Variants in ERC2 observed in about 807,000 individuals in gnomAD.
ERC2 encodes ERC protein 2.
A neutral mutation model predicts 114.8 loss-of-function variants in ERC2; 42 were observed. The observed-to-expected ratio is 0.37, with a 90% confidence interval of 0.29 to 0.47. The LOEUF (loss-of-function observed/expected upper bound fraction) is 0.47. Ranked by LOEUF, ERC2 falls within the 20% of genes least tolerant of loss-of-function variation. The probability of loss-of-function intolerance (pLI) is 0.99; values close to 1 mark genes in which losing one functional copy is unlikely to be tolerated. For missense variants in ERC2, 939 were observed against 1,150.7 expected, an observed-to-expected ratio of 0.82 and a Z score of 2.66; for synonymous variants, 454 against 425.5, an observed-to-expected ratio of 1.07 and a Z score of -0.82.
In ERC2 at chr3:55,858,372, A is replaced by G. The variant is rs199949127; in HGVS notation, c.2564+30017T>C. Among the ~76,000 whole-genome samples the G allele has an allele frequency of 7.2e-5, 11 of 152,344 alleles. No homozygotes were observed. The East Asian group carries it at 2.1e-3, about 29-fold the overall frequency. ...TGCTGGCAGGAGAAATGGATATATT[A>G]ACTCTAAAATAAAAGCTCTTATTCA... On this transcript the variant is annotated intron_variant, in intron 14 of 17. Coordinates refer to ENST00000288221, the MANE Select transcript of ERC2 (RefSeq NM_015576.3).
chr3:55,968,148 A>G (rs2068892959), intron 12 of ERC2, among the ~76,000 whole-genome samples: 2 of 151,922 alleles, frequency 1.3e-5, no homozygotes, highest in African/African-American at 4.8e-5. Context: ...TTTTTTTAAC[A>G]TTATATTTTA....
intron 3 of ERC2, among the ~76,000 whole-genome samples, chr3:56,262,671 C>T (rs1015779098): frequency 3.3e-5 from 5 of 152,190 alleles, no homozygotes; most frequent in Admixed American, 1.3e-4. Flanking sequence ...TTGTCACCTA[C>T]ATTTTGTTAA....
rs376524314 is a variant in ERC2, at chr3:55,796,035, GAC to G, written c.2565-61119_2565-61118del. ...ATATTTTGAGAAGGGCTCCAAGTGAGACAGAATTCTTTGGTGAGCAACAGTGA... is the reference window on the plus strand; with the variant it reads ...ATATTTTGAGAAGGGCTCCAAGTGAGAGAATTCTTTGGTGAGCAACAGTGA... On this transcript the variant is annotated intron_variant, in intron 14 of 17. Transcript: ENST00000288221. 5.0e-3 allele frequency among the ~76,000 whole-genome samples: 756 copies of G among 152,362 alleles called. 6 individuals carry two copies. The highest frequency in any genetic ancestry group is 0.017 in the African/African-American group (711 of 41,580).
chr3:56,355,397 C>T (rs2058710600), intron 2 of ERC2, among the ~76,000 whole-genome samples: 1 of 151,452 alleles, frequency 6.6e-6, no homozygotes, highest in Non-Finnish European at 1.5e-5. Context: ...CAGCTCACTG[C>T]AACCTCGACC....
At chr3:56,317,359 C>T (rs2150411702) in intron 2 of ERC2, among the ~76,000 whole-genome samples, 1 of 152,076 alleles carries the variant, frequency 6.6e-6, no homozygotes, top group East Asian at 1.9e-4. Context: ...AAACATGAAC[C>T]CCAAGAGTAG....
intron 3 of ERC2, among the ~76,000 whole-genome samples, chr3:56,293,516 C>T (rs1478028796): frequency 1.3e-5 from 2 of 152,202 alleles, no homozygotes; most frequent in Non-Finnish European, 2.9e-5. Context: ...TAACAAATGG[C>T]TCTCACAGGG....
intron 2 of ERC2, among the ~76,000 whole-genome samples, chr3:56,338,447 G>A (rs527340928): frequency 6.6e-6 from 1 of 152,278 alleles, no homozygotes; most frequent in East Asian, 1.9e-4. Context: ...ATCCTGGTGG[G>A]GGATGAGAGA....
chr3:55,570,865 C>T (rs114454048), intron 17 of ERC2, among the ~76,000 whole-genome samples: 2,073 of 152,202 alleles, frequency 0.014, 21 homozygotes, highest in Non-Finnish European at 0.023. Flanking sequence ...CAGTGGCTCA[C>T]GCCTGTAATC....
rs10662566 is a variant in ERC2 at position 55,994,647 on chromosome 3, T to TAAAAAAAAAAAAAAAAAAAAAAAAAAAA, written c.2062-2398_2062-2397insTTTTTTTTTTTTTTTTTTTTTTTTTTTT. On this transcript the variant is annotated intron_variant, in intron 10 of 17. Coordinates refer to ENST00000288221, the MANE Select transcript of ERC2 (RefSeq NM_015576.3). ...CATTGACAAGATACTACATACTCCCTAAAAAAAAAAAAAAAAAAAAAAAAA... is the reference window on the plus strand; with the variant it reads ...CATTGACAAGATACTACATACTCCCTAAAAAAAAAAAAAAAAAAAAAAAAAAAAAAAAAAAAAAAAAAAAAAAAAAAAA... 3.3e-5 allele frequency among the ~76,000 whole-genome samples: 2 copies of TAAAAAAAAAAAAAAAAAAAAAAAAAAAA among 61,396 alleles called. 1 individual carries two copies. The highest frequency in any genetic ancestry group is 5.4e-5 in the Non-Finnish European group (2 of 36,928). The allele number at this position is 61,396 out of a possible 152,430, so 40.3% of individuals were successfully genotyped here. A position where few individuals can be genotyped will look rare whatever the true frequency, so the allele number is the denominator to read the frequency against.
intron 14 of ERC2, among the ~76,000 whole-genome samples, chr3:55,782,105 T>A (rs1235397503): frequency 6.6e-6 from 1 of 152,112 alleles, no homozygotes; most frequent in Non-Finnish European, 1.5e-5. Context: ...TCCCACTGTG[T>A]GCTCTGAGAC....
intron 2 of ERC2, among the ~76,000 whole-genome samples, chr3:56,407,196 C>T (rs1045215881): frequency 6.6e-6 from 1 of 152,272 alleles, no homozygotes; most frequent in Non-Finnish European, 1.5e-5. Flanking sequence ...TATTAGTATT[C>T]CTATTGTGAA....
At chr3:56,166,170 C>G (rs2082316305) in intron 4 of ERC2, among the ~76,000 whole-genome samples, 1 of 151,954 alleles carries the variant, frequency 6.6e-6, no homozygotes, top group South Asian at 2.1e-4. Context: ...CCTTTATCCT[C>G]TTAATATGGT....
intron 15 of ERC2, among the ~76,000 whole-genome samples, chr3:55,723,022 T>C (rs1495359): frequency 0.55 from 84,121 of 152,056 alleles, 23,861 homozygotes; most frequent in South Asian, 0.71. Context: ...TGTACTAAGA[T>C]GTTCATCACA....
chr3:56,179,040 T>C (rs995017944), intron 3 of ERC2, among the ~76,000 whole-genome samples: 2 of 141,706 alleles, frequency 1.4e-5, no homozygotes, highest in African/African-American at 2.6e-5. Context: ...ACACTAACAC[T>C]AATGAAAGTT....
chr3:55,604,618 G>C (rs954759958), intron 17 of ERC2, among the ~76,000 whole-genome samples: 1 of 152,178 alleles, frequency 6.6e-6, no homozygotes, highest in South Asian at 2.1e-4. Context: ...AGGGGACAGA[G>C]CATGCCAGGC....
At chr3:55,999,216 G>A (rs2071839191) in intron 10 of ERC2, among the ~76,000 whole-genome samples, 1 of 152,100 alleles carries the variant, frequency 6.6e-6, no homozygotes, top group Non-Finnish European at 1.5e-5. Context: ...CCTGCACAGT[G>A]TTATAATAAT....
intron 2 of ERC2, among the ~76,000 whole-genome samples, chr3:56,402,597 G>A (rs1472045635): frequency 6.6e-6 from 1 of 152,136 alleles, no homozygotes; most frequent in Non-Finnish European, 1.5e-5. Context: ...AGTGATTAGG[G>A]TCCATCTCAC....
chr3:56,024,798 TC>T (rs1342418611), intron 7 of ERC2, among the ~76,000 whole-genome samples: 1 of 152,212 alleles, frequency 6.6e-6, no homozygotes, highest in Non-Finnish European at 1.5e-5. Context: ...CTCTGGACTT[TC>T]TTTCTCTCAA....
intron 8 of ERC2, among the ~76,000 whole-genome samples, chr3:56,013,424 TTG>T (rs1237478338): frequency 6.6e-6 from 1 of 152,196 alleles, no homozygotes. Flanking sequence ...TTAAAGAAGA[TTG>T]TGATGTTGCC....
Sources: allele counts gnomAD v4.1 joint callset (sites outside exome capture counted in the v4.1 genomes callset), GRCh38; gene constraint gnomAD v4.1.1; transcripts MANE v1.5; gene names NCBI Gene and HGNC (gene_info 2026-07-23, HGNC 2026-07-21).